FABP12: variants seen among roughly 807,000 people sequenced by gnomAD.
The protein encoded by FABP12 is fatty acid binding protein 12.
Under a neutral mutation model 13.7 loss-of-function variants are expected in FABP12, and 19 were observed. That is an observed-to-expected ratio of 1.39 (90% confidence interval 0.97 to 2.04). The LOEUF (loss-of-function observed/expected upper bound fraction) is 2.04, where lower values mean the gene tolerates loss of function less well. Among genes scored for constraint, FABP12 ranks in the 30% most tolerant of loss-of-function variants. The pLI is 0.00. For missense variants in FABP12, 182 were observed against 164.2 expected, an observed-to-expected ratio of 1.11 and a Z score of -0.59; for synonymous variants, 61 against 57.0, an observed-to-expected ratio of 1.07 and a Z score of -0.32.
chr8:81,529,254 G>A (rs1427740036), intron 3 of FABP12, 184 bp downstream of exon 3: 1 of 643,176 alleles, frequency 1.6e-6, no homozygotes, highest in Non-Finnish European at 2.7e-6. Context: ...CAGTGAGCAG[G>A]AGGCATTTTT....
chr8:81,560,476 T>C (rs889481115), intron 1 of FABP12, among the ~76,000 whole-genome samples: 2 of 152,244 alleles, frequency 1.3e-5, no homozygotes, highest in Non-Finnish European at 2.9e-5. Context: ...AATAGCCTTG[T>C]TTTATTGGCC....
intron 1 of FABP12, among the ~76,000 whole-genome samples, chr8:81,546,555 C>T (rs1809437305): frequency 6.6e-6 from 1 of 151,666 alleles, no homozygotes; most frequent in African/African-American, 2.4e-5. Context: ...TCCAGCTACT[C>T]GGAAGGCTGA....
At chr8:81,588,927 G>A (rs1377605892) in intron 1 of FABP12, among the ~76,000 whole-genome samples, 1 of 152,114 alleles carries the variant, frequency 6.6e-6, no homozygotes, top group Non-Finnish European at 1.5e-5. Flanking sequence ...GTGAATCACG[G>A]GAGCTTTAAA....
upstream of FABP12, among the ~76,000 whole-genome samples, chr8:81,537,101 A>T (rs771039753): frequency 5.3e-5 from 8 of 152,212 alleles, no homozygotes; most frequent in Non-Finnish European, 1.2e-4. Flanking sequence ...AGACATTTTT[A>T]TATTTATGCC....
At chr8:81,587,678 A>G (rs1810263092) in intron 1 of FABP12, among the ~76,000 whole-genome samples, 1 of 152,062 alleles carries the variant, frequency 6.6e-6, no homozygotes, top group South Asian at 2.1e-4. Context: ...ATTTTTGTAC[A>G]TTAATTTTGT....
intron 1 of FABP12, among the ~76,000 whole-genome samples, chr8:81,542,528 G>A (rs1017173236): frequency 6.6e-6 from 1 of 152,154 alleles, no homozygotes. Context: ...AGGACACAGG[G>A]AAAAGCTTAT....
intron 1 of FABP12, among the ~76,000 whole-genome samples, chr8:81,573,181 C>T (rs2130079374): frequency 6.6e-6 from 1 of 152,300 alleles, no homozygotes; most frequent in East Asian, 1.9e-4. Context: ...AGCCAATTAT[C>T]CCAGCACCAT....
intron 1 of FABP12, among the ~76,000 whole-genome samples, chr8:81,554,715 A>G (rs542447965): frequency 1.3e-5 from 2 of 152,236 alleles, no homozygotes; most frequent in South Asian, 4.1e-4. Flanking sequence ...CAAGGTGTCC[A>G]ATCTTTTGGC....
chr8:81,572,116 T>TC (rs1003957092), intron 1 of FABP12, among the ~76,000 whole-genome samples: 4 of 146,120 alleles, frequency 2.7e-5, no homozygotes, highest in Non-Finnish European at 4.5e-5. Flanking sequence ...CTCCCACTCT[T>TC]CCCCCCCAAG....
chr8:81,555,496 C>T (rs1232494132), intron 1 of FABP12, among the ~76,000 whole-genome samples: 3 of 151,980 alleles, frequency 2.0e-5, no homozygotes, highest in Non-Finnish European at 4.4e-5. Context: ...AAAATGGAAA[C>T]CTGGTTTTAA....
At chr8:81,532,848 C>T (rs913732418) in intron 1 of FABP12, 7 of 152,314 alleles carry the variant, frequency 4.6e-5, no homozygotes, top group African/African-American at 1.7e-4. Flanking sequence ...CAAAACAAAA[C>T]AAAACAAAAA....
intron 3 of FABP12, among the ~76,000 whole-genome samples, chr8:81,527,623 A>T (rs1808941144): frequency 6.6e-6 from 1 of 152,222 alleles, no homozygotes; most frequent in Non-Finnish European, 1.5e-5. Flanking sequence ...TGGCCTCCCA[A>T]AGCACTGGGA....
chr8:81,548,684 G>A (rs1035218716), intron 1 of FABP12, among the ~76,000 whole-genome samples: 24 of 152,168 alleles, frequency 1.6e-4, no homozygotes, highest in African/African-American at 5.3e-4. Context: ...ACAACACACA[G>A]TACAGTCTGG....
At chr8:81,549,885 G>A (rs548825676) in intron 1 of FABP12, among the ~76,000 whole-genome samples, 2 of 152,234 alleles carry the variant, frequency 1.3e-5, no homozygotes, top group South Asian at 4.2e-4. Flanking sequence ...AAAACTTTTT[G>A]CTCACATACA....
chr8:81,570,203 T>A (rs1809901942), intron 1 of FABP12, among the ~76,000 whole-genome samples: 1 of 152,012 alleles, frequency 6.6e-6, no homozygotes, highest in African/African-American at 2.4e-5. Context: ...ACCCAAAGAG[T>A]GAGTCACAGC....
intron 3 of FABP12, 65 bp downstream of exon 3, chr8:81,529,373 T>G (rs1184986237): frequency 6.6e-7 from 1 of 1,508,856 alleles, no homozygotes; most frequent in Non-Finnish European, 9.2e-7. Context: ...ATTGCTTACT[T>G]ACCGAGGATG....
upstream of FABP12, among the ~76,000 whole-genome samples, chr8:81,537,220 C>CT (rs58266319): frequency 0.026 from 4,015 of 152,210 alleles, 161 homozygotes; most frequent in African/African-American, 0.09. Context: ...TAAAATCACT[C>CT]TAAGTGCTGT....
upstream of FABP12, among the ~76,000 whole-genome samples, chr8:81,537,809 C>T (rs969652091): frequency 8.5e-5 from 13 of 152,130 alleles, no homozygotes; most frequent in Middle Eastern, 3.2e-3. Context: ...GGATGAGGCA[C>T]GTGGTCTTCC....
chr8:81,544,237 T>G (rs988538700), intron 1 of FABP12, among the ~76,000 whole-genome samples: 3 of 152,140 alleles, frequency 2.0e-5, no homozygotes, highest in African/African-American at 7.2e-5. Context: ...GCAACAGAAA[T>G]GTGTTCTTTA....
Sources: allele counts gnomAD v4.1 joint callset (sites outside exome capture counted in the v4.1 genomes callset), GRCh38; gene constraint gnomAD v4.1.1; transcripts MANE v1.5; gene names NCBI Gene and HGNC (gene_info 2026-07-23, HGNC 2026-07-21).